The following C5orf46 variants were observed in gnomAD, a reference collection of about 807,000 sequenced individuals.
The protein encoded by C5orf46 is chromosome 5 open reading frame 46, also known as uncharacterized protein C5orf46.
C5orf46 carries 9 observed loss-of-function variants against 8.9 expected under a neutral mutation model. The observed-to-expected ratio is 1.01, with a 90% confidence interval of 0.61 to 1.76. C5orf46 has a LOEUF of 1.76. Among genes scored for constraint, C5orf46 ranks in the 40% most tolerant of loss-of-function variants. The probability of loss-of-function intolerance (pLI) is 0.00; values close to 1 mark genes in which losing one functional copy is unlikely to be tolerated. For synonymous variants in C5orf46, 47 were observed against 41.4 expected (o/e 1.14, Z -0.52); for missense variants, 98 against 107.8 (o/e 0.91, Z 0.40).
At chr5:147,895,747 C>T (rs893816987) in intron 3 of C5orf46, among the ~76,000 whole-genome samples, 2 of 152,114 alleles carry the variant, frequency 1.3e-5, no homozygotes, top group Admixed American at 1.3e-4. Context: ...AGGCTGTTCT[C>T]TGAGAAGATG....
chr5:147,900,033 T>C (rs1226208237), intron 2 of C5orf46, among the ~76,000 whole-genome samples: 1 of 152,172 alleles, frequency 6.6e-6, no homozygotes, highest in Non-Finnish European at 1.5e-5. Context: ...TATTTTATAC[T>C]TGGAAAATTC....
chr5:147,906,366 C>T (rs1308791068), intron 1 of C5orf46, 66 bp downstream of exon 1: 1 of 1,037,468 alleles, frequency 9.6e-7, no homozygotes, highest in Non-Finnish European at 1.4e-6. Context: ...TGAATCAGTG[C>T]CATCAGCTTT....
intron 1 of C5orf46, among the ~76,000 whole-genome samples, chr5:147,905,980 T>C (rs1221042129): frequency 6.6e-6 from 1 of 152,206 alleles, no homozygotes; most frequent in Non-Finnish European, 1.5e-5. Context: ...ATGATAACTT[T>C]ACGAGAAAGT....
chr5:147,899,170 C>T (rs888126434), intron 2 of C5orf46, among the ~76,000 whole-genome samples: 3 of 152,160 alleles, frequency 2.0e-5, no homozygotes, highest in Non-Finnish European at 4.4e-5. Flanking sequence ...TGACATTTAT[C>T]TTGCTACTCA....
chr5:147,905,239 G>C (rs1561633659), intron 1 of C5orf46, among the ~76,000 whole-genome samples: 3 of 152,108 alleles, frequency 2.0e-5, no homozygotes, highest in Admixed American at 6.5e-5. Flanking sequence ...CAGTATTGCT[G>C]ATATTTGTAG....
At chr5:147,904,299 A>AG (rs1561633352) in intron 1 of C5orf46, among the ~76,000 whole-genome samples, 1 of 152,240 alleles carries the variant, frequency 6.6e-6, no homozygotes, top group Non-Finnish European at 1.5e-5. Context: ...GTTACAGCAG[A>AG]GAAGACAGAT....
At chr5:147,893,539 C>T (rs1276843933) in intron 3 of C5orf46, among the ~76,000 whole-genome samples, 1 of 151,792 alleles carries the variant, frequency 6.6e-6, no homozygotes, top group Non-Finnish European at 1.5e-5. Context: ...CTGCCTCAGC[C>T]TCCCAAAGTG....
downstream of C5orf46, among the ~76,000 whole-genome samples, chr5:147,890,208 A>G (rs1757482114): frequency 6.6e-6 from 1 of 152,186 alleles, no homozygotes; most frequent in Non-Finnish European, 1.5e-5. Flanking sequence ...TATCTTCTGC[A>G]TCAAGACTGT....
At chr5:147,896,829 A>C (rs769942753) in intron 3 of C5orf46, among the ~76,000 whole-genome samples, 155 bp downstream of exon 3, 6 of 152,114 alleles carry the variant, frequency 3.9e-5, no homozygotes, top group Admixed American at 3.9e-4. Flanking sequence ...AAACTTGTAC[A>C]TGAAAAAAAT....
intron 2 of C5orf46, among the ~76,000 whole-genome samples, 154 bp from the exon 3 acceptor site, chr5:147,897,195 C>G (rs1286427638): frequency 1.3e-5 from 2 of 152,128 alleles, no homozygotes; most frequent in East Asian, 3.9e-4. Context: ...CTACATAGTT[C>G]ATAGTGGGCA....
At chr5:147,889,459 A>G (rs1757470474), downstream of C5orf46, among the ~76,000 whole-genome samples, 1 of 152,076 alleles carries the variant, frequency 6.6e-6, no homozygotes, top group South Asian at 2.1e-4. Context: ...TCCCTCTCAC[A>G]TGGTAACATA....
intron 3 of C5orf46, among the ~76,000 whole-genome samples, chr5:147,895,884 A>C (rs1757572019): frequency 6.6e-6 from 1 of 152,174 alleles, no homozygotes; most frequent in Admixed American, 6.5e-5. Context: ...CATCCTTAGA[A>C]GCACATGGGA....
intron 3 of C5orf46, among the ~76,000 whole-genome samples, chr5:147,893,600 T>C (rs568857960): frequency 8.5e-4 from 129 of 152,086 alleles, no homozygotes; most frequent in African/African-American, 2.9e-3. Flanking sequence ...TGGAGTGCAG[T>C]GGCTTGATCT....
chr5:147,899,115 CCCATTGAGAACT>C (rs2127129015), intron 2 of C5orf46, among the ~76,000 whole-genome samples: 1 of 152,292 alleles, frequency 6.6e-6, no homozygotes, highest in South Asian at 2.1e-4. Flanking sequence ...GCACACTGGA[CCCATTGAGAACT>C]CCTTTCGCTG....
intron 1 of C5orf46, among the ~76,000 whole-genome samples, chr5:147,902,152 T>C (rs1436657449): frequency 6.6e-6 from 1 of 152,068 alleles, no homozygotes. Flanking sequence ...GTAATAATAA[T>C]ATTAAAGATA....
At chr5:147,891,875 G>A (rs970326599), downstream of C5orf46, among the ~76,000 whole-genome samples, 1 of 152,080 alleles carries the variant, frequency 6.6e-6, no homozygotes, top group Non-Finnish European at 1.5e-5. Flanking sequence ...ATTCACTCTT[G>A]GTTTATCTAC....
At chr5:147,893,478 G>T (rs1464043633) in intron 3 of C5orf46, among the ~76,000 whole-genome samples, 1 of 151,498 alleles carries the variant, frequency 6.6e-6, no homozygotes, top group Non-Finnish European at 1.5e-5. Flanking sequence ...TAGAGACAGG[G>T]TTTCACAGTT....
chr5:147,901,764 G>C lies in C5orf46; in HGVS notation c.80C>G (p.Pro27Arg), dbSNP rs1561632514. The C allele has an allele frequency of 6.2e-7, 1 of 1,613,492 alleles. No individual in the cohort carries two copies. The highest frequency in any genetic ancestry group is 2.2e-5 in the East Asian group (1 of 44,824). The change falls in exon 2 of 4, where the codon CCA becomes CGA. Residue 27 changes from proline to arginine, a missense_variant. By Grantham distance (103) the Pro-to-Arg change is moderately radical. Transcript: ENST00000318315. ...GTCTGGCTTGTCGTCTGGCTTGTCTGGTTTGTCGTCTGAAAAACAACAGAA... is the reference window on the plus strand; with the variant it reads ...GTCTGGCTTGTCGTCTGGCTTGTCTCGTTTGTCGTCTGAAAAACAACAGAA... Reference protein sequence around the residue: ...LFLTCYADDKPDKPDDKPDDS... With the variant: ...LFLTCYADDKRDKPDDKPDDS...
At position 147,895,010 on chromosome 5, in the gene C5orf46, C is replaced by A. The variant is rs530503223; in HGVS notation, c.*9+1974G>T. Reference sequence around the variant, plus strand: ...CCCAGGAGGCAGAGGTTGCAGTGAGCCGAGATGGCACCACTGCACTCCAAC... The same window carrying A: ...CCCAGGAGGCAGAGGTTGCAGTGAGACGAGATGGCACCACTGCACTCCAAC... On this transcript the variant is annotated intron_variant, in intron 3 of 3. Transcript: ENST00000318315. 4.3e-3 allele frequency among the ~76,000 whole-genome samples: 647 copies of A among 151,878 alleles called. 1 individual carries two copies. Among genetic ancestry groups the A allele is most frequent in the Non-Finnish European group, 6.8e-3 (463 of 67,968 alleles).
Sources: gnomAD v4.1 joint callset for allele counts (sites outside exome capture counted in the v4.1 genomes callset) on GRCh38, gnomAD v4.1.1 for gene constraint, MANE v1.5 for transcripts, NCBI Gene and HGNC (gene_info 2026-07-23, HGNC 2026-07-21) for gene names.